Variants in HHLA2 observed in about 807,000 individuals in gnomAD.
The protein encoded by HHLA2 is HHLA2 member of B7 family, also known as HERV-H LTR-associating protein 2.
In HHLA2, 48 loss-of-function variants were observed where a neutral mutation model predicts 45.9. That is an observed-to-expected ratio of 1.05 (90% CI 0.83 to 1.33). The LOEUF (loss-of-function observed/expected upper bound fraction) is 1.33. Among genes scored for constraint, HHLA2 ranks in the 40% most tolerant of loss-of-function variants. HHLA2 has a pLI of 0.00. For missense variants in HHLA2, 462 were observed against 494.3 expected, an observed-to-expected ratio of 0.93 and a Z score of 0.62; for synonymous variants, 161 against 173.9, an observed-to-expected ratio of 0.93 and a Z score of 0.59.
intron 1 of HHLA2, among the ~76,000 whole-genome samples, chr3:108,298,655 A>C (rs746219380): frequency 6.6e-6 from 1 of 152,232 alleles, no homozygotes; most frequent in African/African-American, 2.4e-5. Flanking sequence ...ACTAGAATGC[A>C]GTTAGCAGGT....
chr3:108,362,444 G>A, exon 8 of HHLA2: 1 of 1,600,402 alleles, frequency 6.2e-7, no homozygotes, highest in Non-Finnish European at 8.5e-7. Context: ...AAATGTTGCA[G>A]AGGTAATAGA....
intron 1 of HHLA2, among the ~76,000 whole-genome samples, chr3:108,303,933 G>C (rs146062916): frequency 1.4e-4 from 22 of 152,098 alleles, no homozygotes; most frequent in Non-Finnish European, 2.5e-4. Flanking sequence ...CATTTGCTTA[G>C]GCTGAGTTAT....
rs1313740558 is a variant in HHLA2 at position 108,373,843 on chromosome 3, G to A, written c.1109-1907G>A. On this transcript the variant is annotated intron_variant, in intron 8 of 10. Coordinates refer to ENST00000619531, the Ensembl canonical transcript of HHLA2. ...GAAATAAAAGAGGATACAAACAAAT[G>A]GAAGAACATTCCATGCTCATGGGTA... Among the ~76,000 whole-genome samples, 7 of 151,174 alleles carry A rather than the reference G, an allele frequency of 4.6e-5. No homozygotes were observed. The East Asian group carries it at 1.4e-3, about 29-fold the overall frequency.
At chr3:108,356,435 T>C (rs1268660759) in intron 6 of HHLA2, among the ~76,000 whole-genome samples, 1 of 152,120 alleles carries the variant, frequency 6.6e-6, no homozygotes, top group Non-Finnish European at 1.5e-5. Context: ...TCCTAGCATC[T>C]CATATTCTCA....
At chr3:108,300,105 A>C (rs146165679) in intron 1 of HHLA2, among the ~76,000 whole-genome samples, 1 of 152,292 alleles carries the variant, frequency 6.6e-6, no homozygotes, top group Admixed American at 6.5e-5. Context: ...TTATTGGGTA[A>C]TGATGTTTTC....
chr3:108,372,012 ACAGAATATACATTCTTTT>A (rs2082184788), intron 8 of HHLA2, among the ~76,000 whole-genome samples: 2 of 152,180 alleles, frequency 1.3e-5, no homozygotes, highest in South Asian at 4.1e-4. Context: ...CCCCAAATCA[ACAGAATATACATTCTTTT>A]CAGCACCACA....
At chr3:108,355,778 C>T (rs1250517267) in intron 6 of HHLA2, among the ~76,000 whole-genome samples, 1 of 152,166 alleles carries the variant, frequency 6.6e-6, no homozygotes, top group Admixed American at 6.5e-5. Context: ...TGTCTTTCAG[C>T]AGATCACAAC....
chr3:108,365,236 C>T (rs2082045040), intron 8 of HHLA2, among the ~76,000 whole-genome samples: 1 of 152,192 alleles, frequency 6.6e-6, no homozygotes, highest in Admixed American at 6.5e-5. Flanking sequence ...TTGCCCAGCA[C>T]CATTTATTAA....
intron 2 of HHLA2, among the ~76,000 whole-genome samples, chr3:108,318,139 C>A (rs2107334525): frequency 6.6e-6 from 1 of 151,390 alleles, no homozygotes; most frequent in African/African-American, 2.4e-5. Context: ...TGAGATCATG[C>A]CACTGCACTC....
At chr3:108,377,284 G>A (rs2082291401) in exon 11 of HHLA2, 2 of 1,571,480 alleles carry the variant, frequency 1.3e-6, no homozygotes, top group African/African-American at 1.3e-5. Flanking sequence ...TATAGGAAAT[G>A]AGAGAAGACT....
intron 2 of HHLA2, among the ~76,000 whole-genome samples, chr3:108,322,403 A>G (rs959861966): frequency 6.6e-6 from 1 of 152,240 alleles, no homozygotes; most frequent in Non-Finnish European, 1.5e-5. Flanking sequence ...AGTGGAGTGC[A>G]GGAGAGAATC....
chr3:108,346,683 A>T (rs559341058), intron 3 of HHLA2, among the ~76,000 whole-genome samples: 1 of 152,314 alleles, frequency 6.6e-6, no homozygotes, highest in South Asian at 2.1e-4. Flanking sequence ...ATAACATTAT[A>T]TGTTTTTATC....
intron 8 of HHLA2, among the ~76,000 whole-genome samples, chr3:108,365,513 T>C: frequency 6.6e-6 from 1 of 152,234 alleles, no homozygotes; most frequent in East Asian, 1.9e-4. Context: ...TTTAAAGTAC[T>C]TTTTTCTAGT....
intron 8 of HHLA2, among the ~76,000 whole-genome samples, chr3:108,366,047 G>T (rs991610634): frequency 1.4e-4 from 21 of 152,326 alleles, no homozygotes; most frequent in African/African-American, 4.8e-4. Context: ...AGGCATCCTT[G>T]TCTTGCGCCG....
intron 3 of HHLA2, among the ~76,000 whole-genome samples, chr3:108,351,350 T>C (rs909065886): frequency 2.0e-5 from 3 of 152,222 alleles, no homozygotes; most frequent in Non-Finnish European, 4.4e-5. Context: ...GTATTTTCTA[T>C]CATAAAAGCA....
intron 3 of HHLA2, among the ~76,000 whole-genome samples, chr3:108,350,058 G>T (rs970045852): frequency 6.6e-6 from 1 of 152,032 alleles, no homozygotes; most frequent in Non-Finnish European, 1.5e-5. Flanking sequence ...ATTATTACAT[G>T]TTTACATATT....
intron 3 of HHLA2, among the ~76,000 whole-genome samples, chr3:108,328,855 G>C (rs1004930621): frequency 3.9e-5 from 6 of 152,192 alleles, no homozygotes; most frequent in African/African-American, 1.4e-4. Context: ...CATTGCTGCA[G>C]TTCAGAATTG....
intron 3 of HHLA2, among the ~76,000 whole-genome samples, chr3:108,344,020 T>C (rs2081619411): frequency 6.6e-6 from 1 of 152,206 alleles, no homozygotes; most frequent in African/African-American, 2.4e-5. Context: ...TGGAAGTCCT[T>C]ACATCTGACA....
At chr3:108,328,232 T>A in intron 2 of HHLA2, 1 of 980,654 alleles carries the variant, frequency 1.0e-6, no homozygotes, top group South Asian at 1.9e-5. Context: ...GGGGCATTGA[T>A]ACTCTGGAAT....
Sources: allele counts gnomAD v4.1 joint callset (sites outside exome capture counted in the v4.1 genomes callset), GRCh38; gene constraint gnomAD v4.1.1; transcripts MANE v1.5; gene names NCBI Gene and HGNC (gene_info 2026-07-23, HGNC 2026-07-21).